The following KMT2B variants were observed in gnomAD, a reference collection of about 807,000 sequenced individuals.
KMT2B encodes the protein histone-lysine N-methyltransferase 2B.
KMT2B carries 22 observed loss-of-function variants against 255.3 expected under a neutral mutation model. The observed-to-expected ratio is 0.09, with a 90% CI of 0.06 to 0.12. The LOEUF is 0.12. Among genes scored for constraint, KMT2B ranks in the 10% least tolerant of loss-of-function variants. The pLI is 1.00. For missense variants in KMT2B, 3,149 were observed against 3,737.0 expected (o/e 0.84, Z 4.10); for synonymous variants, 1,730 against 1,498.1 (o/e 1.15, Z -3.57).
At position 35,727,806 on chromosome 19, in the gene KMT2B, G is replaced by A. The variant is rs779476332; in HGVS notation, c.4392+19G>A. ...GTCTGTGGTGAGTGGTACACCAGGA[G>A]GAGCAGGTGGGTGGCAGGAGGAGAG... On this transcript the variant is annotated intron_variant, in intron 17 of 36. Coordinates refer to ENST00000420124, the MANE Select transcript of KMT2B (RefSeq NM_014727.3). The surrounding 1 kb of genome is among the most constrained non-coding windows in gnomAD (Gnocchi z 4.2). 11 of 1,613,338 alleles carry A rather than the reference G, an allele frequency of 6.8e-6. No homozygotes were observed. Among genetic ancestry groups the A allele is most frequent in the African/African-American group, 1.3e-5 (1 of 74,932 alleles).
chr19:35,725,430 C>T lies in KMT2B; in HGVS notation c.3643-49C>T. On this transcript the variant is annotated intron_variant, in intron 11 of 36. Coordinates refer to ENST00000420124, the MANE Select transcript of KMT2B (RefSeq NM_014727.3). This position sits in a 1 kb window ranked among gnomAD's most constrained non-coding sequence, Gnocchi z 4.1. ...CTCAGCTGGGTCTCATCCCTTGGCCCTCTGGCCTCATGCTATGCCCATCAT... is the reference window on the plus strand; with the variant it reads ...CTCAGCTGGGTCTCATCCCTTGGCCTTCTGGCCTCATGCTATGCCCATCAT... 1 of 1,601,492 alleles carries T rather than the reference C, an allele frequency of 6.2e-7. No individual in the cohort carries two copies. Among genetic ancestry groups the T allele is most frequent in the South Asian group, 1.1e-5 (1 of 90,710 alleles).
chr19:35,724,830 G>A, intron 9 of KMT2B, 99 bp downstream of exon 9: 1 of 1,220,246 alleles, frequency 8.2e-7, no homozygotes, highest in South Asian at 1.3e-5. Flanking sequence ...CCACATGAGA[G>A]GACAGGCCCT....
chr19:35,720,332 C>G lies in KMT2B; in HGVS notation c.985C>G (p.Gln329Glu). The G allele has an allele frequency of 6.2e-7, 1 of 1,612,066 alleles. No individual in the cohort carries two copies. Among genetic ancestry groups the G allele is most frequent in the Non-Finnish European group, 8.5e-7 (1 of 1,179,154 alleles). The change falls in exon 3 of 37, where the codon CAA becomes GAA. Residue 329 changes from glutamine (Q) to glutamate (E), a missense_variant. Gln to Glu is a conservative substitution (Grantham distance 29). Transcript: ENST00000420124. ...LSLGLESGQG[Q>E]GQHEESWQDV... ...CTTGGGACTCGAATCAGGTCAAGGT[C>G]AAGGTCAACATGAGGAAAGTTGGCA...
At chr19:35,726,401 G>C (rs762601466) in intron 14 of KMT2B, 48 bp downstream of exon 14, 1 of 1,283,942 alleles carries the variant, frequency 7.8e-7, no homozygotes, top group Non-Finnish European at 1.1e-6. Flanking sequence ...CAGGGGAATG[G>C]CCAGGCTCTT....
chr19:35,733,313 CG>C lies in KMT2B; in HGVS notation c.6765del (p.Pro2256HisfsTer5). ...VVGVVRPAPP[P>X]PPPPLTLVLS... Reference sequence around the variant, plus strand: ...GGAGTGGTCCGCCCTGCCCCGCCCCCGCCACCCCCTCCCCTGACGCTGGTGC... The same window carrying C: ...GGAGTGGTCCGCCCTGCCCCGCCCCCCCACCCCCTCCCCTGACGCTGGTGC... On this transcript the variant is annotated frameshift_variant, in exon 28 of 37. Coordinates refer to ENST00000420124, the MANE Select transcript of KMT2B (RefSeq NM_014727.3). LOFTEE classifies it high-confidence loss of function. This position sits in a 1 kb window ranked among gnomAD's most constrained non-coding sequence, Gnocchi z 4.3. 5 of 1,466,528 alleles carry C rather than the reference CG, an allele frequency of 3.4e-6. No individual in the cohort carries two copies. Among genetic ancestry groups the C allele is most frequent in the Non-Finnish European group, 4.7e-6 (5 of 1,074,560 alleles). The allele number at this position is 1,466,528 out of a possible 1,614,324, so 90.8% of individuals were successfully genotyped here. A position where few individuals can be genotyped will look rare whatever the true frequency, so the allele number is the denominator to read the frequency against.
intron 18 of KMT2B, 43 bp from the exon 19 acceptor site, chr19:35,728,055 C>T (rs1220246028): frequency 1.3e-6 from 2 of 1,567,916 alleles, no homozygotes; most frequent in African/African-American, 1.4e-5. Flanking sequence ...GCCAGCTCTC[C>T]TGGGGAAGCT....
rs764541065 is a variant in KMT2B at position 35,727,765 on chromosome 19, A to C, written c.4370A>C (p.Glu1457Ala). 3 of 1,613,894 alleles carry C rather than the reference A, an allele frequency of 1.9e-6. No individual in the cohort carries two copies. Among genetic ancestry groups the C allele is most frequent in the Non-Finnish European group, 2.5e-6 (3 of 1,179,894 alleles). The change falls in exon 17 of 37, where the codon GAG becomes GCG. Residue 1457 changes from glutamate (E) to alanine (A), a missense_variant. Transcript: ENST00000420124. This position sits in a 1 kb window ranked among gnomAD's most constrained non-coding sequence, Gnocchi z 4.2. ...CGLQAVSQRFEDGHYKSVHSF... is the reference protein window; with the variant it reads ...CGLQAVSQRFADGHYKSVHSF... ...CTGCAAGCTGTGAGTCAGCGCTTCGAGGATGGCCACTACAAGTCTGTGGTG... is the reference window on the plus strand; with the variant it reads ...CTGCAAGCTGTGAGTCAGCGCTTCGCGGATGGCCACTACAAGTCTGTGGTG...
Position 35,727,800 on chromosome 19 carries a change from C to G in KMT2B, c.4392+13C>G. ...CTACAAGTCTGTGGTGAGTGGTACACCAGGAGGAGCAGGTGGGTGGCAGGA... is the reference window on the plus strand; with the variant it reads ...CTACAAGTCTGTGGTGAGTGGTACAGCAGGAGGAGCAGGTGGGTGGCAGGA... On this transcript the variant is annotated intron_variant, in intron 17 of 36. Coordinates refer to ENST00000420124, the MANE Select transcript of KMT2B (RefSeq NM_014727.3). This position sits in a 1 kb window ranked among gnomAD's most constrained non-coding sequence, Gnocchi z 4.2. 1 of 1,613,646 alleles carries G rather than the reference C, an allele frequency of 6.2e-7. No individual in the cohort carries two copies. Among genetic ancestry groups the G allele is most frequent in the South Asian group, 1.1e-5 (1 of 91,082 alleles).
rs1291342160 is a variant in KMT2B, at chr19:35,723,548, T to C, written c.3058+46T>C. On this transcript the variant is annotated intron_variant, in intron 7 of 36. Coordinates refer to ENST00000420124, the MANE Select transcript of KMT2B (RefSeq NM_014727.3). This position sits in a 1 kb window ranked among gnomAD's most constrained non-coding sequence, Gnocchi z 7.5. Reference sequence around the variant, plus strand: ...TTTCTTCTCAAAACCGTGTTAGAGTTTGTGCTGTGGAGGGAGCTGTTTTTC... The same window carrying C: ...TTTCTTCTCAAAACCGTGTTAGAGTCTGTGCTGTGGAGGGAGCTGTTTTTC... The C allele has an allele frequency of 2.0e-6, 3 of 1,524,488 alleles. No individual in the cohort carries two copies. Among genetic ancestry groups the C allele is most frequent in the Non-Finnish European group, 2.7e-6 (3 of 1,126,906 alleles). 94.4% of individuals were successfully genotyped at this position (1,524,488 alleles called of 1,614,324 possible).
chr19:35,724,534 G>C, intron 8 of KMT2B, 103 bp from the exon 9 acceptor site: 1 of 944,182 alleles, frequency 1.1e-6, no homozygotes. Context: ...GGCGGGTCTT[G>C]GTTAGTTAAA....
rs557867511 is a variant in KMT2B at position 35,722,032 on chromosome 19, G to C, written c.2457+228G>C. 5.6e-5 allele frequency among the ~76,000 whole-genome samples: 8 copies of C among 144,020 alleles called. No individual in the cohort carries two copies. The East Asian group carries it at 1.6e-3, about 30-fold the overall frequency. 94.5% of individuals were successfully genotyped at this position (144,020 alleles called of 152,430 possible). On this transcript the variant is annotated intron_variant, in intron 3 of 36. Transcript: ENST00000420124. ...TTTTTTTTTTTTTATTTTTGAGACC[G>C]AGTCTCACTTTGTCCAGGCTGGAGT...
chr19:35,725,931 G>A lies in KMT2B; in HGVS notation c.3885+113G>A, dbSNP rs1200642785. 1.2e-6 allele frequency: 1 copy of A among 850,150 alleles called. No individual in the cohort carries two copies. Among genetic ancestry groups the A allele is most frequent in the East Asian group, 2.7e-5 (1 of 37,436 alleles). The allele number at this position is 850,150 out of a possible 1,614,324, so 52.7% of individuals were successfully genotyped here. A position where few individuals can be genotyped will look rare whatever the true frequency, so the allele number is the denominator to read the frequency against. On this transcript the variant is annotated intron_variant, in intron 13 of 36. Transcript: ENST00000420124. The surrounding 1 kb of genome is among the most constrained non-coding windows in gnomAD (Gnocchi z 4.1). ...GAGCAGAGGTTGGGGATCCTCTTAAGAATTGATTAGTAATGTTTCCTCTTC... is the reference window on the plus strand; with the variant it reads ...GAGCAGAGGTTGGGGATCCTCTTAAAAATTGATTAGTAATGTTTCCTCTTC...
Position 35,721,206 on chromosome 19 carries a change from C to CGCCGG in KMT2B, c.1859_1860insGCCGG (p.Pro622ValfsTer40). The CGCCGG allele has an allele frequency of 6.5e-7, 1 of 1,532,388 alleles. No homozygotes were observed. Among genetic ancestry groups the CGCCGG allele is most frequent in the Non-Finnish European group, 8.8e-7 (1 of 1,138,478 alleles). 94.9% of individuals were successfully genotyped at this position (1,532,388 alleles called of 1,614,324 possible). A position where few individuals can be genotyped will look rare whatever the true frequency, so the allele number is the denominator to read the frequency against. On this transcript the variant is annotated frameshift_variant, in exon 3 of 37. Coordinates refer to ENST00000420124, the MANE Select transcript of KMT2B (RefSeq NM_014727.3). LOFTEE classifies it high-confidence loss of function. Reference sequence around the variant, plus strand: ...ACCTCACTGACCCGGGAGCTGCCCCCTCCTCCCCCAGCCCCTCCACCTCCC... The same window carrying CGCCGG: ...ACCTCACTGACCCGGGAGCTGCCCCCGCCGGTCCTCCCCCAGCCCCTCCACCTCCC...
In KMT2B at chr19:35,731,974, A is replaced by G; in HGVS notation, c.5504A>G (p.His1835Arg). ...DVLVPGAPER[H>R]SPIQNLDPPL... ...CTTGTCCCTGGAGCTCCTGAGCGCC[A>G]CTCGCCCATTCAGAACCTGGACCCT... The change falls in exon 27 of 37, where the codon CAC becomes CGC. Residue 1835 changes from histidine to arginine, a missense_variant. His to Arg is a conservative substitution (Grantham distance 29, BLOSUM62 0). Transcript: ENST00000420124. 6.2e-7 allele frequency: 1 copy of G among 1,613,560 alleles called. No homozygotes were observed. The highest frequency in any genetic ancestry group is 8.5e-7 in the Non-Finnish European group (1 of 1,179,782).
Position 35,727,908 on chromosome 19 carries a change from ATCC to A in KMT2B, c.4423_4425del (p.Leu1475del). On this transcript the variant is annotated inframe_deletion, in exon 18 of 37. Coordinates refer to ENST00000420124, the MANE Select transcript of KMT2B (RefSeq NM_014727.3). This position sits in a 1 kb window ranked among gnomAD's most constrained non-coding sequence, Gnocchi z 4.2. ...CAGCTTCATGGAGGACATGGTGGGC[ATCC>A]TCATGCGGCACTCGGAGGAGGGAGA... 6.2e-7 allele frequency: 1 copy of A among 1,603,266 alleles called. No individual in the cohort carries two copies. The highest frequency in any genetic ancestry group is 1.1e-5 in the South Asian group (1 of 90,142).
intron 24 of KMT2B, 37 bp downstream of exon 24, chr19:35,730,499 G>A (rs372165467): frequency 5.6e-6 from 9 of 1,613,910 alleles, no homozygotes; most frequent in Non-Finnish European, 7.6e-6. Flanking sequence ...CTCCTACCCT[G>A]TCCTGCCTGC....
At position 35,722,709 on chromosome 19, in the gene KMT2B, G is replaced by T. The variant is rs757982914; in HGVS notation, c.2713G>T (p.Ala905Ser). 1 of 1,598,226 alleles carries T rather than the reference G, an allele frequency of 6.3e-7. No homozygotes were observed. Among genetic ancestry groups the T allele is most frequent in the Non-Finnish European group, 8.5e-7 (1 of 1,172,176 alleles). The part of the protein sequence containing the change: ...ALPLRDRQDL[A>S]TEDTSSASET... ...CCCTCTCCGGGATCGGCAGGACCTC[G>T]CCACAGAGGGTAGGTGGGGAGACTG... The change falls in exon 5 of 37, where the codon GCC becomes TCC. Residue 905 changes from alanine (A) to serine (S), a missense_variant. Transcript: ENST00000420124.
At position 35,720,468 on chromosome 19, in the gene KMT2B, A is replaced by G. The variant is rs2078829373; in HGVS notation, c.1121A>G (p.Lys374Arg). ...GAAGAGAAGAAAGAAGAAGAAGAAAAAGACAAGGAGGGAGAAGAGAAGGAA... is the reference window on the plus strand; with the variant it reads ...GAAGAGAAGAAAGAAGAAGAAGAAAGAGACAAGGAGGGAGAAGAGAAGGAA... ...EEEEKKEEEE[K>R]DKEGEEKEER... Residue 374 changes from lysine (K) to arginine (R), a missense_variant, in exon 3 of 37, where the codon AAA (lysine) becomes AGA (arginine). This residue lies in a region of KMT2B where 1,188 missense variants were observed against 1,106.4 expected (regional missense o/e 1.07). Transcript: ENST00000420124. The G allele has an allele frequency of 1.3e-6, 2 of 1,551,504 alleles. No homozygotes were observed. Among genetic ancestry groups the G allele is most frequent in the Non-Finnish European group, 1.7e-6 (2 of 1,146,834 alleles).
intron 22 of KMT2B, 44 bp downstream of exon 22, chr19:35,729,340 G>T: frequency 6.4e-7 from 1 of 1,556,808 alleles, no homozygotes; most frequent in Non-Finnish European, 8.7e-7. Context: ...TCTGGCTCTT[G>T]GGGAGGCCTC....
Sources: allele counts gnomAD v4.1 joint callset (sites outside exome capture counted in the v4.1 genomes callset), GRCh38; gene constraint gnomAD v4.1.1; regional missense constraint gnomAD v4.1.1; non-coding constraint Gnocchi (gnomAD v3.1); transcripts MANE v1.5; gene names NCBI Gene and HGNC (gene_info 2026-07-23, HGNC 2026-07-21).